SCAMP5: variants seen among roughly 807,000 people sequenced by gnomAD.
SCAMP5 encodes the protein secretory carrier membrane protein 5.
A neutral mutation model predicts 28.3 loss-of-function variants in SCAMP5; 7 were observed. The observed-to-expected ratio is 0.25, with a 90% CI of 0.14 to 0.46. SCAMP5 has a LOEUF of 0.46. SCAMP5 is among the 20% of genes least tolerant of loss of function. The pLI is 0.99. For missense variants in SCAMP5, 192 were observed against 312.5 expected, an observed-to-expected ratio of 0.61 and a Z score of 2.91; for synonymous variants, 117 against 116.4, an observed-to-expected ratio of 1.00 and a Z score of -0.03.
At chr15:75,003,577 G>A (rs2065729169) in intron 1 of SCAMP5, among the ~76,000 whole-genome samples, 1 of 152,198 alleles carries the variant, frequency 6.6e-6, no homozygotes, top group African/African-American at 2.4e-5. Flanking sequence ...TGGGAAGCCA[G>A]GGCGGGTAGA....
In SCAMP5 at chr15:75,011,817, C is replaced by A; in HGVS notation, c.-23C>A. ...TTCAGGACAAAGAGGTGTGGGCAGG[C>A]CACTGGGCCAGCTGGTAACATCATG... On this transcript the variant is annotated 5_prime_UTR_variant, in exon 2 of 7. Coordinates refer to ENST00000425597, the MANE Select transcript of SCAMP5 (RefSeq NM_138967.4). The A allele has an allele frequency of 6.2e-7, 1 of 1,611,066 alleles. No individual in the cohort carries two copies.
At chr15:75,008,830 T>G (rs1266430749) in intron 1 of SCAMP5, among the ~76,000 whole-genome samples, 1 of 152,174 alleles carries the variant, frequency 6.6e-6, no homozygotes, top group Non-Finnish European at 1.5e-5. Context: ...AATACTCTAT[T>G]GTATGATGCA....
intron 3 of SCAMP5, 21 bp from the exon 4 acceptor site, chr15:75,016,572 C>T: frequency 6.2e-7 from 1 of 1,606,002 alleles, no homozygotes. Context: ...TCTATGTGTG[C>T]ATGTGCTCCT....
chr15:75,008,460 T>C (rs145064569), intron 1 of SCAMP5, among the ~76,000 whole-genome samples: 4 of 151,792 alleles, frequency 2.6e-5, no homozygotes, highest in African/African-American at 9.7e-5. Flanking sequence ...TAATATATCC[T>C]GGAAAGCATT....
intron 2 of SCAMP5, 34 bp from the exon 3 acceptor site, chr15:75,012,641 CTG>C: frequency 3.1e-6 from 5 of 1,613,084 alleles, no homozygotes; most frequent in Non-Finnish European, 4.2e-6. Flanking sequence ...GGGTGGAAGA[CTG>C]GAGGTGATGT....
chr15:75,017,508 C>T (rs1347152637), intron 4 of SCAMP5: 8 of 454,520 alleles, frequency 1.8e-5, no homozygotes, highest in Non-Finnish European at 3.1e-5. Context: ...TGAGACCATC[C>T]ATCCATGTAC....
chr15:75,003,746 G>A (rs2065730748), intron 1 of SCAMP5, among the ~76,000 whole-genome samples: 1 of 152,074 alleles, frequency 6.6e-6, no homozygotes, highest in Non-Finnish European at 1.5e-5. Context: ...GGAGTTCGAG[G>A]CTGCAGTGAG....
intron 4 of SCAMP5, among the ~76,000 whole-genome samples, chr15:75,017,236 A>G (rs1192892043): frequency 1.3e-5 from 2 of 152,162 alleles, no homozygotes; most frequent in Admixed American, 6.5e-5. Flanking sequence ...CCATCCACAT[A>G]TCAGTGGGGC....
intron 1 of SCAMP5, among the ~76,000 whole-genome samples, chr15:75,006,067 G>A (rs1172375244): frequency 7.3e-6 from 1 of 137,804 alleles, no homozygotes; most frequent in Non-Finnish European, 1.5e-5. Context: ...GCGTGCTCTC[G>A]GCTCACTGAA....
At chr15:75,014,547 T>G (rs572184481) in intron 3 of SCAMP5, among the ~76,000 whole-genome samples, 1 of 152,234 alleles carries the variant, frequency 6.6e-6, no homozygotes, top group African/African-American at 2.4e-5. Context: ...TTTACAGTCT[T>G]CCTCATGGGG....
chr15:75,005,615 G>A (rs147819344), intron 1 of SCAMP5, among the ~76,000 whole-genome samples: 7 of 152,188 alleles, frequency 4.6e-5, no homozygotes, highest in African/African-American at 7.2e-5. Context: ...TGAATTTGTC[G>A]GATTGTTTTT....
At chr15:75,002,477 C>T (rs1192780427) in intron 1 of SCAMP5, among the ~76,000 whole-genome samples, 1 of 152,092 alleles carries the variant, frequency 6.6e-6, no homozygotes, top group Non-Finnish European at 1.5e-5. Context: ...TCTATTCTCT[C>T]TGTATATTGT....
Position 75,018,677 on chromosome 15 carries a change from G to T in SCAMP5, c.514-112G>T. 1 of 1,010,608 alleles carries T rather than the reference G, an allele frequency of 9.9e-7. No homozygotes were observed. The highest frequency in any genetic ancestry group is 1.9e-5 in the Admixed American group (1 of 51,918). The allele number at this position is 1,010,608 out of a possible 1,614,324, so 62.6% of individuals were successfully genotyped here. ...TGGCCTGCAGGACTCTCCTACAGAG[G>T]CATTCATGGGGAGGGAGCACTGTTT... is the stretch of plus-strand genomic sequence containing the variant. On this transcript the variant is annotated intron_variant, in intron 6 of 6. Coordinates refer to ENST00000425597, the MANE Select transcript of SCAMP5 (RefSeq NM_138967.4). This position sits in a 1 kb window ranked among gnomAD's most constrained non-coding sequence, Gnocchi z 5.6.
rs188270646 is a variant in SCAMP5, at chr15:75,004,066, G to A, written c.-48-7726G>A. On this transcript the variant is annotated intron_variant, in intron 1 of 6. Coordinates refer to ENST00000425597, the MANE Select transcript of SCAMP5 (RefSeq NM_138967.4). The stretch of plus-strand genomic sequence containing the variant: ...ATTACAGGCATGCACCACCATGCCC[G>A]GCTAATTTTGTATTTTTAATAGAGA... Among the ~76,000 whole-genome samples, 346 of 152,070 alleles carry A rather than the reference G, an allele frequency of 2.3e-3. 1 individual carries two copies. Among genetic ancestry groups the A allele is most frequent in the African/African-American group, 8.1e-3 (336 of 41,500 alleles).
intron 1 of SCAMP5, among the ~76,000 whole-genome samples, chr15:75,005,279 A>G (rs1595882815): frequency 1.3e-5 from 2 of 151,762 alleles, no homozygotes; most frequent in Admixed American, 1.3e-4. Context: ...CCTGACCAAC[A>G]TGGAGAAACG....
In SCAMP5 at chr15:74,995,847, G is replaced by T. The variant is rs114045151; in HGVS notation, c.-49+174G>T. On this transcript the variant is annotated intron_variant, in intron 1 of 6. Coordinates refer to ENST00000425597, the MANE Select transcript of SCAMP5 (RefSeq NM_138967.4). The stretch of plus-strand genomic sequence containing the variant: ...GTGGAGGTGACCTTTACTGTTTGGG[G>T]CTGGGGGAGAGCGCTCAGGGCGCAC... The T allele has an allele frequency of 9.6e-3, 1,470 of 153,738 alleles. 30 individuals are homozygous for T. The highest frequency in any genetic ancestry group is 0.034 in the African/African-American group (1,411 of 41,580). The allele number at this position is 153,738 out of a possible 1,614,324, so 9.5% of individuals were successfully genotyped here. A position where few individuals can be genotyped will look rare whatever the true frequency, so the allele number is the denominator to read the frequency against.
At chr15:75,009,359 C>G (rs1028152088) in intron 1 of SCAMP5, among the ~76,000 whole-genome samples, 1 of 151,330 alleles carries the variant, frequency 6.6e-6, no homozygotes, top group Admixed American at 6.6e-5. Flanking sequence ...GTATTTGATC[C>G]CATATCACAA....
chr15:75,014,677 A>G (rs1233585890), intron 3 of SCAMP5, among the ~76,000 whole-genome samples: 1 of 152,166 alleles, frequency 6.6e-6, no homozygotes, highest in Admixed American at 6.5e-5. Context: ...TGAATTATGG[A>G]ATCTAAGCTG....
intron 1 of SCAMP5, among the ~76,000 whole-genome samples, chr15:75,010,992 C>T (rs1374178584): frequency 1.3e-5 from 2 of 152,022 alleles, no homozygotes; most frequent in Non-Finnish European, 2.9e-5. Context: ...ATTGCTTGAG[C>T]CTAGGAATTC....
Sources: allele counts gnomAD v4.1 joint callset (sites outside exome capture counted in the v4.1 genomes callset), GRCh38; gene constraint gnomAD v4.1.1; non-coding constraint Gnocchi (gnomAD v3.1); transcripts MANE v1.5; gene names NCBI Gene and HGNC (gene_info 2026-07-23, HGNC 2026-07-21).